Variants in WDR41 observed in about 807,000 individuals in gnomAD.
WDR41 encodes WD repeat domain 41.
A neutral mutation model predicts 69.3 loss-of-function variants in WDR41; 63 were observed. The ratio of observed to expected loss-of-function variants is 0.91; its 90% CI spans 0.74 to 1.12. WDR41 has a LOEUF of 1.12. Among genes scored for constraint, WDR41 ranks in the 50% most tolerant of loss-of-function variants. The pLI is 0.00. For synonymous variants in WDR41, 185 were observed against 192.1 expected, an observed-to-expected ratio of 0.96 and a Z score of 0.31; for missense variants, 543 against 534.5, an observed-to-expected ratio of 1.02 and a Z score of -0.16.
intron 1 of WDR41, among the ~76,000 whole-genome samples, chr5:77,602,940 C>CTTTTTTTTTTTTTTTTTTTTT (rs576335451): frequency 7.3e-6 from 1 of 137,186 alleles, no homozygotes; most frequent in African/African-American, 2.7e-5. Context: ...ATTTTTTTGT[C>CTTTTTTTTTTTTTTTTTTTTT]TTTTTTTTTT....
chr5:77,475,189 G>T (rs972052066), intron 2 of WDR41, among the ~76,000 whole-genome samples: 1 of 152,180 alleles, frequency 6.6e-6, no homozygotes, highest in Non-Finnish European at 1.5e-5. Context: ...CTCGCTAATT[G>T]CTAGCACAGC....
chr5:77,463,894 A>G (rs975293458), intron 3 of WDR41, among the ~76,000 whole-genome samples: 1 of 149,920 alleles, frequency 6.7e-6, no homozygotes, highest in Non-Finnish European at 1.5e-5. Flanking sequence ...TCACAGGCAA[A>G]GCCATTGAAA....
At chr5:77,489,653 T>C in intron 1 of WDR41, 81 bp from the exon 2 acceptor site, 1 of 845,178 alleles carries the variant, frequency 1.2e-6, no homozygotes, top group Non-Finnish European at 1.9e-6. Context: ...TATTGGAATA[T>C]AACTCCATGG....
intron 8 of WDR41, among the ~76,000 whole-genome samples, chr5:77,447,483 A>T (rs1799430423): frequency 6.6e-6 from 1 of 152,222 alleles, no homozygotes; most frequent in African/African-American, 2.4e-5. Flanking sequence ...TTACTACATC[A>T]CTATTTACAA....
rs554622015 is a variant in WDR41 at position 77,479,517 on chromosome 5, C to T, written c.167+9940G>A. Among the ~76,000 whole-genome samples, 300 of 152,110 alleles carry T rather than the reference C, an allele frequency of 2.0e-3. 3 individuals carry two copies. The highest frequency in any genetic ancestry group is 6.7e-3 in the African/African-American group (279 of 41,474). ...AGAACAGAGCCCTCAGAAATAACGC[C>T]GCATATCTACAACTATCTGATCTTT... On this transcript the variant is annotated intron_variant, in intron 2 of 12. Transcript: ENST00000296679.
chr5:77,502,389 G>A (rs1395300339), intron 1 of WDR41, among the ~76,000 whole-genome samples: 3 of 152,016 alleles, frequency 2.0e-5, no homozygotes, highest in African/African-American at 4.8e-5. Context: ...CCAAATCTAC[G>A]TTTGATAGGT....
chr5:77,531,934 T>C (rs979368617), intron 1 of WDR41, among the ~76,000 whole-genome samples: 6 of 151,986 alleles, frequency 3.9e-5, no homozygotes, highest in Admixed American at 3.3e-4. Context: ...GATCAGTAGT[T>C]GCCAGGGACT....
intron 2 of WDR41, among the ~76,000 whole-genome samples, chr5:77,475,699 G>C (rs1393929257): frequency 6.6e-6 from 1 of 152,130 alleles, no homozygotes; most frequent in African/African-American, 2.4e-5. Flanking sequence ...ACCAAAACTA[G>C]ACAAAACCAC....
At chr5:77,587,137 C>T (rs72770951) in intron 1 of WDR41, among the ~76,000 whole-genome samples, 9,498 of 150,564 alleles carry the variant, frequency 0.063, 406 homozygotes, top group Admixed American at 0.14. Flanking sequence ...CTCCCCCAAA[C>T]GTAACCCTAT....
chr5:77,598,327 C>T (rs1170800595), intron 1 of WDR41, among the ~76,000 whole-genome samples: 1 of 152,204 alleles, frequency 6.6e-6, no homozygotes, highest in Non-Finnish European at 1.5e-5. Context: ...TTTCCCTGGA[C>T]ATACTACTCC....
chr5:77,597,562 C>T (rs1231461895), intron 1 of WDR41, among the ~76,000 whole-genome samples: 2 of 152,138 alleles, frequency 1.3e-5, no homozygotes, highest in African/African-American at 4.8e-5. Context: ...CTTCAGTAAT[C>T]TAAAGTAAGG....
chr5:77,596,376 G>C (rs952327374), intron 1 of WDR41, among the ~76,000 whole-genome samples: 3 of 152,058 alleles, frequency 2.0e-5, no homozygotes, highest in Non-Finnish European at 4.4e-5. Flanking sequence ...TTGATCTCTT[G>C]ACCTCGTGAT....
intron 1 of WDR41, among the ~76,000 whole-genome samples, chr5:77,568,998 AC>A (rs1743685575): frequency 6.6e-6 from 1 of 152,128 alleles, no homozygotes; most frequent in Non-Finnish European, 1.5e-5. Flanking sequence ...ATCAGACGTC[AC>A]CCCATCGCTG....
chr5:77,618,657 GCCACCAC>G (rs1744723118), intron 1 of WDR41, among the ~76,000 whole-genome samples: 1 of 152,206 alleles, frequency 6.6e-6, no homozygotes, highest in Non-Finnish European at 1.5e-5. Flanking sequence ...ACAGGCGTGA[GCCACCAC>G]ACTCAGCCTA....
Position 77,437,393 on chromosome 5 carries a change from C to T in WDR41, c.1036G>A (p.Val346Ile), listed in dbSNP as rs1249002921. The change falls in exon 11 of 13, where the codon GTA becomes ATA. Residue 346 changes from valine (V) to isoleucine (I), a missense_variant. By Grantham distance (29) the Val-to-Ile change is conservative. Transcript: ENST00000296679. ...QLISCSEDGS[V>I]RIWELREKQQ... ...TTTTCTCTTAACTCCCAAATGCGTA[C>T]ACTGCCATCTTCTGAGCATGAGATT... is the stretch of plus-strand genomic sequence containing the variant. 1 of 1,613,962 alleles carries T rather than the reference C, an allele frequency of 6.2e-7. No homozygotes were observed. The highest frequency in any genetic ancestry group is 8.5e-7 in the Non-Finnish European group (1 of 1,179,906).
chr5:77,582,508 G>T (rs1236945161), intron 1 of WDR41: 7 of 1,599,376 alleles, frequency 4.4e-6, no homozygotes, highest in African/African-American at 1.3e-5. Flanking sequence ...GCTTCGAAAG[G>T]CAAGGAGGAA....
intron 1 of WDR41, chr5:77,546,132 T>C: frequency 2.0e-6 from 1 of 498,978 alleles, no homozygotes. Flanking sequence ...GACCTACAGC[T>C]ACTTGACCTC....
intron 1 of WDR41, among the ~76,000 whole-genome samples, chr5:77,543,625 T>C (rs1236446578): frequency 1.3e-5 from 2 of 151,556 alleles, no homozygotes; most frequent in Non-Finnish European, 2.9e-5. Flanking sequence ...AATAAGAAAA[T>C]ATGAACAAAG....
intron 2 of WDR41, among the ~76,000 whole-genome samples, chr5:77,473,506 C>G (rs1800733825): frequency 6.6e-6 from 1 of 152,064 alleles, no homozygotes; most frequent in Admixed American, 6.5e-5. Context: ...AGTGAACAGG[C>G]AACCTACAGA....
Sources: allele counts gnomAD v4.1 joint callset (sites outside exome capture counted in the v4.1 genomes callset), GRCh38; gene constraint gnomAD v4.1.1; transcripts MANE v1.5; gene names NCBI Gene and HGNC (gene_info 2026-07-23, HGNC 2026-07-21).